The following TMTC2 variants were observed in gnomAD, a reference collection of about 807,000 sequenced individuals.
TMTC2 encodes the protein transmembrane O-mannosyltransferase targeting cadherins 2, also known as protein O-mannosyl-transferase TMTC2.
TMTC2 carries 43 observed loss-of-function variants against 82.4 expected under a neutral mutation model. The observed-to-expected ratio is 0.52, with a 90% confidence interval of 0.41 to 0.67. TMTC2 has a LOEUF of 0.67. Ranked by LOEUF, TMTC2 falls within the 30% of genes least tolerant of loss-of-function variation. The probability of loss-of-function intolerance (pLI) is 0.00; values close to 1 mark genes in which losing one functional copy is unlikely to be tolerated. For synonymous variants in TMTC2, 408 were observed against 381.9 expected, an observed-to-expected ratio of 1.07 and a Z score of -0.80; for missense variants, 919 against 1,012.4, an observed-to-expected ratio of 0.91 and a Z score of 1.25.
intron 1 of TMTC2, among the ~76,000 whole-genome samples, chr12:82,712,321 T>C (rs1005441150): frequency 4.0e-5 from 6 of 150,916 alleles, no homozygotes; most frequent in African/African-American, 1.5e-4. Context: ...TCCCAGCTAC[T>C]CGGGAGGCTG....
intron 7 of TMTC2, among the ~76,000 whole-genome samples, chr12:82,968,273 T>TA (rs911104569): frequency 6.6e-6 from 1 of 152,168 alleles, no homozygotes; most frequent in Non-Finnish European, 1.5e-5. Context: ...TTAGCTTCAT[T>TA]AAATATATTC....
At chr12:83,080,573 A>G (rs1351603700) in intron 11 of TMTC2, among the ~76,000 whole-genome samples, 1 of 152,172 alleles carries the variant, frequency 6.6e-6, no homozygotes, top group Non-Finnish European at 1.5e-5. Context: ...CAGGTAATGC[A>G]GTTTGCCACA....
chr12:83,102,103 G>A (rs1884238485), intron 11 of TMTC2, among the ~76,000 whole-genome samples: 1 of 152,180 alleles, frequency 6.6e-6, no homozygotes, highest in Non-Finnish European at 1.5e-5. Context: ...ATTTTTGTCA[G>A]TTTCAGGCCC....
intron 1 of TMTC2, among the ~76,000 whole-genome samples, chr12:82,797,599 T>TA (rs994586537): frequency 5.9e-5 from 9 of 152,110 alleles, no homozygotes; most frequent in Non-Finnish European, 1.3e-4. Flanking sequence ...CAAAAGCGTA[T>TA]AAAAAAATCT....
At chr12:83,027,628 C>T (rs1339021021) in intron 8 of TMTC2, among the ~76,000 whole-genome samples, 1 of 152,140 alleles carries the variant, frequency 6.6e-6, no homozygotes, top group Non-Finnish European at 1.5e-5. Flanking sequence ...CTGTCTTTTC[C>T]TCTTTATCAT....
chr12:82,776,093 C>T (rs1391452667), intron 1 of TMTC2, among the ~76,000 whole-genome samples: 1 of 152,048 alleles, frequency 6.6e-6, no homozygotes, highest in Non-Finnish European at 1.5e-5. Context: ...TTGAATTGAA[C>T]CGTTATTGAG....
At chr12:83,033,361 A>G (rs1881518055) in intron 9 of TMTC2, among the ~76,000 whole-genome samples, 1 of 152,226 alleles carries the variant, frequency 6.6e-6, no homozygotes. Flanking sequence ...CTGTTGAACA[A>G]ATAAGATTGA....
intron 8 of TMTC2, among the ~76,000 whole-genome samples, chr12:82,988,302 A>T (rs1308087492): frequency 6.6e-6 from 1 of 152,196 alleles, no homozygotes; most frequent in African/African-American, 2.4e-5. Flanking sequence ...TTGGAATGGG[A>T]TAACAATGAA....
At chr12:82,838,713 C>T (rs942382684) in intron 1 of TMTC2, among the ~76,000 whole-genome samples, 1 of 151,768 alleles carries the variant, frequency 6.6e-6, no homozygotes, top group Non-Finnish European at 1.5e-5. Flanking sequence ...CACATGTCCC[C>T]TCTAGGGGCT....
chr12:82,710,713 C>T (rs1050847229), intron 1 of TMTC2, among the ~76,000 whole-genome samples: 1 of 152,154 alleles, frequency 6.6e-6, no homozygotes, highest in Non-Finnish European at 1.5e-5. Context: ...TCATTGACTA[C>T]TGGGAGTCCT....
rs1478955117 is a variant in TMTC2 at position 83,030,782 on chromosome 12, TTC to T, written c.2071-12_2071-11del. On this transcript the variant is annotated splice_polypyrimidine_tract_variant and intron_variant, in intron 8 of 11. Transcript: ENST00000321196. ...ATGATCTGTTCCTGAATCATCCATT[TTC>T]TCTGTTTTTCAAGGGTCGTAAGAGT... The T allele has an allele frequency of 1.2e-6, 2 of 1,601,052 alleles. No individual in the cohort carries two copies. Among genetic ancestry groups the T allele is most frequent in the South Asian group, 2.2e-5 (2 of 90,760 alleles).
At chr12:83,028,595 T>G (rs1012065724) in intron 8 of TMTC2, among the ~76,000 whole-genome samples, 1 of 152,210 alleles carries the variant, frequency 6.6e-6, no homozygotes, top group Non-Finnish European at 1.5e-5. Context: ...AATAGTCGCA[T>G]TGCTCTAAAA....
intron 11 of TMTC2, among the ~76,000 whole-genome samples, chr12:83,128,047 G>A (rs1885148507): frequency 1.3e-5 from 2 of 152,152 alleles, no homozygotes; most frequent in East Asian, 3.9e-4. Context: ...AGGAGATGGT[G>A]TCATTTGTTG....
chr12:82,990,083 C>T (rs1321613867), intron 8 of TMTC2, among the ~76,000 whole-genome samples: 2 of 152,116 alleles, frequency 1.3e-5, no homozygotes, highest in Non-Finnish European at 2.9e-5. Context: ...GAAAATACCA[C>T]ACATTTTGAC....
intron 1 of TMTC2, among the ~76,000 whole-genome samples, chr12:82,814,523 G>A (rs929394885): frequency 9.9e-5 from 15 of 152,136 alleles, no homozygotes; most frequent in African/African-American, 3.6e-4. Context: ...CAAGAATGTT[G>A]AGCATAGTCA....
At chr12:82,891,609 A>G (rs1873399719) in intron 2 of TMTC2, among the ~76,000 whole-genome samples, 1 of 152,148 alleles carries the variant, frequency 6.6e-6, no homozygotes, top group Admixed American at 6.5e-5. Flanking sequence ...CGCCCAGCCT[A>G]GTTGATAATT....
intron 3 of TMTC2, among the ~76,000 whole-genome samples, chr12:82,929,755 G>A (rs1875926508): frequency 6.6e-6 from 1 of 152,102 alleles, no homozygotes; most frequent in South Asian, 2.1e-4. Flanking sequence ...GCAATTATTG[G>A]TGCTGTGCCT....
At chr12:83,108,189 A>T (rs1279416975) in intron 11 of TMTC2, among the ~76,000 whole-genome samples, 2 of 152,168 alleles carry the variant, frequency 1.3e-5, no homozygotes, top group Non-Finnish European at 2.9e-5. Context: ...TAGCAATGGG[A>T]GAATGGACTA....
intron 8 of TMTC2, among the ~76,000 whole-genome samples, chr12:83,000,626 G>A (rs1484993560): frequency 6.6e-6 from 1 of 152,142 alleles, no homozygotes; most frequent in African/African-American, 2.4e-5. Context: ...GGTGCATGGT[G>A]CAAGCTGTCA....
Sources: gnomAD v4.1 joint callset for allele counts (sites outside exome capture counted in the v4.1 genomes callset) on GRCh38, gnomAD v4.1.1 for gene constraint, MANE v1.5 for transcripts, NCBI Gene and HGNC (gene_info 2026-07-23, HGNC 2026-07-21) for gene names.